The following SEMA5A variants were observed in gnomAD, a reference collection of about 807,000 sequenced individuals.
The protein encoded by SEMA5A is semaphorin 5A, also known as semaphorin-5A.
In SEMA5A, 55 loss-of-function variants were observed where a neutral mutation model predicts 135.5. That is an observed-to-expected ratio of 0.41 (90% CI 0.33 to 0.51). The LOEUF (loss-of-function observed/expected upper bound fraction) is 0.51. Ranked by LOEUF, SEMA5A falls within the 20% of genes least tolerant of loss-of-function variation. The probability of loss-of-function intolerance (pLI) is 0.37; values close to 1 mark genes in which losing one functional copy is unlikely to be tolerated. For missense variants in SEMA5A, 1,290 were observed against 1,419.9 expected (o/e 0.91, Z 1.47); for synonymous variants, 580 against 546.5 (o/e 1.06, Z -0.85).
Position 9,205,053 on chromosome 5 carries a change from T to C in SEMA5A, c.647-2813A>G, listed in dbSNP as rs150573226. Among the ~76,000 whole-genome samples the C allele has an allele frequency of 4.7e-4, 72 of 152,236 alleles. 1 individual carries two copies. Among genetic ancestry groups the C allele is most frequent in the Non-Finnish European group, 8.2e-4 (56 of 68,018 alleles). On this transcript the variant is annotated intron_variant, in intron 8 of 22. Transcript: ENST00000382496. ...GAAACTGGTTCTTAGTCCCAAAAAG[T>C]TTAGGGACCACTGCATTACACTATA...
intron 1 of SEMA5A, among the ~76,000 whole-genome samples, chr5:9,527,724 T>C (rs1185910714): frequency 6.6e-6 from 1 of 152,198 alleles, no homozygotes; most frequent in Non-Finnish European, 1.5e-5. Context: ...AAAACCCCTA[T>C]GAGGTAGGAA....
At chr5:9,347,420 G>C (rs1438609040) in intron 3 of SEMA5A, among the ~76,000 whole-genome samples, 1 of 152,150 alleles carries the variant, frequency 6.6e-6, no homozygotes, top group East Asian at 1.9e-4. Context: ...GTTTCATCTT[G>C]GGCAGGCTTC....
chr5:9,173,294 T>A, intron 11 of SEMA5A, among the ~76,000 whole-genome samples: 1 of 151,758 alleles, frequency 6.6e-6, no homozygotes, highest in South Asian at 2.1e-4. Flanking sequence ...TTTTTTTTTT[T>A]TTTTTTGGTC....
rs139905302 is a variant in SEMA5A, at chr5:9,510,530, C to T, written c.-175+35054G>A. ...ACATAGCATTGTAAAAGATATTTTA[C>T]ATTGTACTTTTAGTTGCAAAGGAGT... On this transcript the variant is annotated intron_variant, in intron 1 of 22. Transcript: ENST00000382496. 1.2e-4 allele frequency among the ~76,000 whole-genome samples: 18 copies of T among 152,258 alleles called. No individual in the cohort carries two copies. The East Asian group carries it at 3.5e-3, about 29-fold the overall frequency.
intron 11 of SEMA5A, among the ~76,000 whole-genome samples, chr5:9,180,094 C>T (rs1370354244): frequency 6.6e-6 from 1 of 152,194 alleles, no homozygotes; most frequent in Non-Finnish European, 1.5e-5. Context: ...ATGGCATTCT[C>T]CTGGTTTGCC....
At chr5:9,433,219 A>G (rs1394687370) in intron 2 of SEMA5A, among the ~76,000 whole-genome samples, 1 of 152,192 alleles carries the variant, frequency 6.6e-6, no homozygotes, top group Non-Finnish European at 1.5e-5. Context: ...TATTTTAAAT[A>G]TCTGTTCCTG....
intron 11 of SEMA5A, among the ~76,000 whole-genome samples, chr5:9,166,030 A>G (rs1743588056): frequency 6.6e-6 from 1 of 152,194 alleles, no homozygotes; most frequent in Non-Finnish European, 1.5e-5. Context: ...TCACTCAGTT[A>G]CCAGATTCAA....
At position 9,204,322 on chromosome 5, in the gene SEMA5A, C is replaced by A. The variant is rs1194537093; in HGVS notation, c.647-2082G>T. On this transcript the variant is annotated intron_variant, in intron 8 of 22. Transcript: ENST00000382496. This position sits in a 1 kb window ranked among gnomAD's most constrained non-coding sequence, Gnocchi z 6.4. ...ACCAGCACACATGCAGGAGGTCCAC[C>A]AAAACTTATCAAATACACTCACTAT... 6.6e-6 allele frequency among the ~76,000 whole-genome samples: 1 copy of A among 152,010 alleles called. No homozygotes were observed. Among genetic ancestry groups the A allele is most frequent in the Non-Finnish European group, 1.5e-5 (1 of 68,002 alleles).
intron 1 of SEMA5A, among the ~76,000 whole-genome samples, chr5:9,483,203 T>A (rs1183326620): frequency 6.6e-6 from 1 of 152,154 alleles, no homozygotes; most frequent in East Asian, 1.9e-4. Context: ...TCTCCCATAA[T>A]GTTCTGTCTT....
intron 1 of SEMA5A, among the ~76,000 whole-genome samples, chr5:9,520,255 T>C (rs1445869538): frequency 1.3e-5 from 2 of 152,170 alleles, no homozygotes; most frequent in Non-Finnish European, 1.5e-5. Context: ...GGACTGGACA[T>C]ACAGTGAAGG....
intron 22 of SEMA5A, 102 bp downstream of exon 22, chr5:9,044,271 A>T (rs1736119847): frequency 2.0e-6 from 2 of 987,644 alleles, no homozygotes; most frequent in Non-Finnish European, 3.1e-6. Context: ...GAGAAAATTC[A>T]GTTTCAAAGG....
intron 3 of SEMA5A, among the ~76,000 whole-genome samples, chr5:9,349,413 G>A (rs1045004400): frequency 2.6e-5 from 4 of 152,128 alleles, no homozygotes; most frequent in Non-Finnish European, 4.4e-5. Flanking sequence ...ACAGACCTCT[G>A]CCTTCAAGAC....
intron 16 of SEMA5A, among the ~76,000 whole-genome samples, chr5:9,100,830 G>C (rs1411656911): frequency 6.6e-6 from 1 of 152,098 alleles, no homozygotes; most frequent in East Asian, 1.9e-4. Flanking sequence ...TTCAGGGCTA[G>C]GGTGGCAGCC....
intron 1 of SEMA5A, among the ~76,000 whole-genome samples, chr5:9,509,340 T>C (rs1389011082): frequency 1.3e-5 from 2 of 152,112 alleles, no homozygotes; most frequent in Non-Finnish European, 2.9e-5. Flanking sequence ...AATGGCATGA[T>C]CTCGGCTCAC....
At chr5:9,267,968 A>G (rs575176831) in intron 5 of SEMA5A, among the ~76,000 whole-genome samples, 3 of 152,302 alleles carry the variant, frequency 2.0e-5, no homozygotes, top group South Asian at 4.1e-4. Flanking sequence ...AGGATCTGTT[A>G]GAGGAAGCTA....
At chr5:9,272,769 G>A (rs1179222252) in intron 5 of SEMA5A, among the ~76,000 whole-genome samples, 1 of 152,092 alleles carries the variant, frequency 6.6e-6, no homozygotes, top group Non-Finnish European at 1.5e-5. Flanking sequence ...GCAGAAGAGG[G>A]GCCTGAATGT....
chr5:9,347,314 A>C (rs1753920658), intron 3 of SEMA5A, among the ~76,000 whole-genome samples: 1 of 152,152 alleles, frequency 6.6e-6, no homozygotes, highest in Non-Finnish European at 1.5e-5. Context: ...AGTATACCTA[A>C]CCCATTTCTC....
chr5:9,124,330 G>A (rs1417677041), intron 13 of SEMA5A, among the ~76,000 whole-genome samples: 6 of 152,174 alleles, frequency 3.9e-5, no homozygotes, highest in Admixed American at 2.0e-4. Context: ...ATCTGCTCAG[G>A]AGGTGGCAGT....
At chr5:9,220,987 G>A (rs1467238750) in intron 8 of SEMA5A, among the ~76,000 whole-genome samples, 1 of 152,078 alleles carries the variant, frequency 6.6e-6, no homozygotes, top group Admixed American at 6.5e-5. Flanking sequence ...ATGGGACAGG[G>A]ACTTACCCTC....
Sources: gnomAD v4.1 joint callset for allele counts (sites outside exome capture counted in the v4.1 genomes callset) on GRCh38, gnomAD v4.1.1 for gene constraint, Gnocchi (gnomAD v3.1) non-coding constraint, MANE v1.5 for transcripts, NCBI Gene and HGNC (gene_info 2026-07-23, HGNC 2026-07-21) for gene names.